Variants in BMPR1A observed in about 807,000 individuals in gnomAD.
The protein encoded by BMPR1A is bone morphogenetic protein receptor type 1A, also known as bone morphogenetic protein receptor type-1A.
In BMPR1A, 7 loss-of-function variants were observed where a neutral mutation model predicts 66.0. The observed-to-expected ratio is 0.11, with a 90% CI of 0.06 to 0.20. The LOEUF is 0.20. Among genes scored for constraint, BMPR1A ranks in the 10% least tolerant of loss-of-function variants. The pLI, the probability that BMPR1A is intolerant of heterozygous loss-of-function variation, is 1.00. For synonymous variants in BMPR1A, 200 were observed against 229.7 expected, an observed-to-expected ratio of 0.87 and a Z score of 1.17; for missense variants, 408 against 669.1, an observed-to-expected ratio of 0.61 and a Z score of 4.31.
chr10:86,855,282 T>G (rs553572781), intron 2 of BMPR1A: 2 of 1,076,728 alleles, frequency 1.9e-6, no homozygotes, highest in African/African-American at 3.2e-5. Context: ...AAACCTCAGT[T>G]TCTTCTGTCT....
downstream of BMPR1A, chr10:86,930,108 G>A (rs755145016): frequency 3.9e-5 from 6 of 152,246 alleles, no homozygotes; most frequent in African/African-American, 1.2e-4. Context: ...TACTATCAGC[G>A]GCACTGCTGC....
intron 9 of BMPR1A, among the ~76,000 whole-genome samples, chr10:86,918,907 A>G (rs1843615792): frequency 6.6e-6 from 1 of 152,114 alleles, no homozygotes; most frequent in African/African-American, 2.4e-5. Flanking sequence ...GTGAGCCACC[A>G]CACCCAGCAT....
rs1320900641 is a variant in BMPR1A at position 86,924,542 on chromosome 10, C to T, written c.*823C>T. On this transcript the variant is annotated 3_prime_UTR_variant, in exon 13 of 13. Transcript: ENST00000372037. Reference sequence around the variant, plus strand: ...TTTTTTGTGGTTATTATTTTTGTCACGGAAAGCATCCTCTCCAAAGTTGGA... The same window carrying T: ...TTTTTTGTGGTTATTATTTTTGTCATGGAAAGCATCCTCTCCAAAGTTGGA... 2.1e-5 allele frequency: 5 copies of T among 233,602 alleles called. No homozygotes were observed. The highest frequency in any genetic ancestry group is 3.4e-5 in the Non-Finnish European group (4 of 118,064). 14.5% of individuals were successfully genotyped at this position (233,602 alleles called of 1,614,324 possible).
chr10:86,895,023 A>G (rs1269129166), intron 5 of BMPR1A, among the ~76,000 whole-genome samples: 1 of 152,182 alleles, frequency 6.6e-6, no homozygotes, highest in Non-Finnish European at 1.5e-5. Flanking sequence ...TAGTTTACAA[A>G]TAGAAGGCCT....
intron 7 of BMPR1A, among the ~76,000 whole-genome samples, chr10:86,902,470 C>T (rs76152418): frequency 0.01 from 1,535 of 152,094 alleles, 34 homozygotes; most frequent in African/African-American, 0.034. Context: ...TAGTAAAGAA[C>T]CCTATCAGCC....
chr10:86,820,771 G>A (rs1319402437), intron 1 of BMPR1A, among the ~76,000 whole-genome samples: 2 of 152,126 alleles, frequency 1.3e-5, no homozygotes, highest in Non-Finnish European at 2.9e-5. Flanking sequence ...TGCCTGGTTG[G>A]CATCTACCAC....
chr10:86,794,532 G>C (rs1841677205), intron 1 of BMPR1A, among the ~76,000 whole-genome samples: 1 of 152,138 alleles, frequency 6.6e-6, no homozygotes, highest in African/African-American at 2.4e-5. Context: ...ATCAAATTAA[G>C]TCATCAAGTT....
chr10:86,831,062 C>T (rs1216361480), intron 1 of BMPR1A, among the ~76,000 whole-genome samples: 2 of 152,088 alleles, frequency 1.3e-5, no homozygotes, highest in Non-Finnish European at 2.9e-5. Flanking sequence ...TTTATGGCTT[C>T]GTTTATTTTT....
At chr10:86,846,092 T>C (rs541868052) in intron 2 of BMPR1A, among the ~76,000 whole-genome samples, 4 of 152,296 alleles carry the variant, frequency 2.6e-5, no homozygotes, top group South Asian at 4.2e-4. Context: ...TGAGCTCTTA[T>C]TTCCATCCTT....
At chr10:86,916,677 T>C (rs1386186562) in intron 8 of BMPR1A, among the ~76,000 whole-genome samples, 2 of 152,158 alleles carry the variant, frequency 1.3e-5, no homozygotes, top group Non-Finnish European at 2.9e-5. Flanking sequence ...GAATACATTG[T>C]ACATTGTTTC....
chr10:86,929,275 T>C (rs1281714803), downstream of BMPR1A: 2 of 152,288 alleles, frequency 1.3e-5, no homozygotes. Flanking sequence ...CTCACAAAGC[T>C]TTTCATTTTC....
chr10:86,822,216 T>A (rs993358360), intron 1 of BMPR1A, among the ~76,000 whole-genome samples: 1 of 152,194 alleles, frequency 6.6e-6, no homozygotes, highest in African/African-American at 2.4e-5. Flanking sequence ...TCTAAATCTT[T>A]CCATTTGAAA....
chr10:86,882,715 A>G (rs1843006171), intron 3 of BMPR1A, among the ~76,000 whole-genome samples: 1 of 151,312 alleles, frequency 6.6e-6, no homozygotes, highest in South Asian at 2.1e-4. Flanking sequence ...CTATAATCCC[A>G]GCACATTGGG....
intron 1 of BMPR1A, among the ~76,000 whole-genome samples, chr10:86,786,288 C>T (rs963558549): frequency 6.6e-6 from 1 of 152,120 alleles, no homozygotes; most frequent in African/African-American, 2.4e-5. Context: ...ATTTTTCCTT[C>T]TAACCGTTGT....
At chr10:86,822,955 A>G (rs1384619022) in intron 1 of BMPR1A, among the ~76,000 whole-genome samples, 1 of 152,138 alleles carries the variant, frequency 6.6e-6, no homozygotes, top group Non-Finnish European at 1.5e-5. Context: ...TATCTGTAAT[A>G]TGGGATTACT....
chr10:86,763,935 A>C (rs1372826978), intron 1 of BMPR1A, among the ~76,000 whole-genome samples: 1 of 151,708 alleles, frequency 6.6e-6, no homozygotes, highest in Admixed American at 6.6e-5. Context: ...GGACCACAGG[A>C]GCCCGCCACC....
chr10:86,770,159 C>T (rs970363654), intron 1 of BMPR1A, among the ~76,000 whole-genome samples: 5 of 152,182 alleles, frequency 3.3e-5, no homozygotes, highest in East Asian at 1.9e-4. Flanking sequence ...GGCGTGGTGG[C>T]GGGCGCCTGT....
rs576693479 is a variant in BMPR1A, at chr10:86,836,356, C to T, written c.-267-2509C>T. Among the ~76,000 whole-genome samples, 4 of 152,322 alleles carry T rather than the reference C, an allele frequency of 2.6e-5. No homozygotes were observed. The East Asian group carries it at 5.8e-4, about 22-fold the overall frequency. ...GTACAATGTGACTTGCAGAGCTGTACTGTGGAGCATATCCTTTCCTGTGTC... is the reference window on the plus strand; with the variant it reads ...GTACAATGTGACTTGCAGAGCTGTATTGTGGAGCATATCCTTTCCTGTGTC... On this transcript the variant is annotated intron_variant, in intron 1 of 12. Coordinates refer to ENST00000372037, the MANE Select transcript of BMPR1A (RefSeq NM_004329.3).
chr10:86,762,529 T>C (rs915983386), intron 1 of BMPR1A, among the ~76,000 whole-genome samples: 2 of 152,128 alleles, frequency 1.3e-5, no homozygotes, highest in Non-Finnish European at 1.5e-5. Context: ...CTGGCTCCTT[T>C]TTGTATTTTT....
Sources: gnomAD v4.1 joint callset for allele counts (sites outside exome capture counted in the v4.1 genomes callset) on GRCh38, gnomAD v4.1.1 for gene constraint, MANE v1.5 for transcripts, NCBI Gene and HGNC (gene_info 2026-07-23, HGNC 2026-07-21) for gene names.